THEM4: variants seen among roughly 807,000 people sequenced by gnomAD.
The protein encoded by THEM4 is thioesterase superfamily member 4, also known as acyl-coenzyme A thioesterase THEM4.
A neutral mutation model predicts 25.0 loss-of-function variants in THEM4; 22 were observed. The observed-to-expected ratio is 0.88, with a 90% confidence interval of 0.63 to 1.26. The LOEUF is 1.26. THEM4 is among the 50% of genes most tolerant of loss of function. The pLI is 0.00. For synonymous variants in THEM4, 113 were observed against 105.6 expected, an observed-to-expected ratio of 1.07 and a Z score of -0.43; for missense variants, 286 against 300.3, an observed-to-expected ratio of 0.95 and a Z score of 0.35.
intron 1 of THEM4, among the ~76,000 whole-genome samples, chr1:151,902,793 G>A (rs1260969304): frequency 6.6e-6 from 1 of 152,176 alleles, no homozygotes; most frequent in Non-Finnish European, 1.5e-5. Flanking sequence ...TTTGAGACCA[G>A]CCTGGCCAAC....
chr1:151,903,545 A>G (rs1398193873), intron 1 of THEM4, among the ~76,000 whole-genome samples: 3 of 152,236 alleles, frequency 2.0e-5, no homozygotes, highest in Non-Finnish European at 4.4e-5. Context: ...AACATTATGA[A>G]TATAGCTTTT....
chr1:151,897,591 A>G (rs1654252538), intron 1 of THEM4, among the ~76,000 whole-genome samples: 1 of 152,220 alleles, frequency 6.6e-6, no homozygotes, highest in Non-Finnish European at 1.5e-5. Flanking sequence ...TGGATTGGGC[A>G]GAGTGATTCC....
At chr1:151,894,742 G>A in intron 2 of THEM4, 1 of 591,670 alleles carries the variant, frequency 1.7e-6, no homozygotes, top group South Asian at 2.2e-5. Flanking sequence ...GTTGTAGGAG[G>A]GTGGAAGCTC....
chr1:151,907,098 G>T (rs1654487291), intron 1 of THEM4, among the ~76,000 whole-genome samples: 1 of 152,082 alleles, frequency 6.6e-6, no homozygotes, highest in African/African-American at 2.4e-5. Flanking sequence ...GCGAAGGTCT[G>T]CAGCTTCACT....
intron 1 of THEM4, among the ~76,000 whole-genome samples, chr1:151,897,472 G>A (rs752151007): frequency 6.6e-6 from 1 of 152,176 alleles, no homozygotes; most frequent in South Asian, 2.1e-4. Context: ...CGGACTCCAG[G>A]TTCTTCAGTT....
intron 2 of THEM4, chr1:151,890,207 T>C (rs1654066487): frequency 2.2e-6 from 1 of 457,486 alleles, no homozygotes; most frequent in South Asian, 1.5e-5. Context: ...GCCCGGCCAT[T>C]AACCAGGCTT....
rs1482343721 is a variant in THEM4, at chr1:151,871,914, G to A, written c.*2974C>T. On this transcript the variant is annotated 3_prime_UTR_variant, in exon 6 of 6. Transcript: ENST00000368814. ...ACTAGTTAAGTGAAACTAGCTAAAT[G>A]AGCAGCGCTGGCTTATTCCTTCGGA... 1.3e-5 allele frequency among the ~76,000 whole-genome samples: 2 copies of A among 152,202 alleles called. No homozygotes were observed. Among genetic ancestry groups the A allele is most frequent in the African/African-American group, 4.8e-5 (2 of 41,446 alleles).
At chr1:151,875,345 T>C (rs749537413) in intron 5 of THEM4, among the ~76,000 whole-genome samples, 8 of 151,858 alleles carry the variant, frequency 5.3e-5, no homozygotes, top group Non-Finnish European at 1.0e-4. Context: ...TTCCTGCAAA[T>C]GCTTCATACT....
At chr1:151,894,938 A>G in intron 2 of THEM4, 70 bp downstream of exon 2, 1 of 1,474,228 alleles carries the variant, frequency 6.8e-7, no homozygotes, top group South Asian at 1.1e-5. Context: ...GGTAGTAACT[A>G]GTACTTCAAT....
chr1:151,877,227 C>T, intron 4 of THEM4, 102 bp from the exon 5 acceptor site: 3 of 1,259,192 alleles, frequency 2.4e-6, no homozygotes, highest in East Asian at 2.4e-5. Context: ...TTTATGACAC[C>T]TGACAACAAT....
chr1:151,903,392 C>T (rs753208115), intron 1 of THEM4, among the ~76,000 whole-genome samples: 1 of 152,164 alleles, frequency 6.6e-6, no homozygotes, highest in African/African-American at 2.4e-5. Flanking sequence ...ATTTAGTGTT[C>T]ACTTTCTCCG....
chr1:151,894,412 C>T (rs757179958), intron 2 of THEM4, among the ~76,000 whole-genome samples: 2 of 151,996 alleles, frequency 1.3e-5, no homozygotes, highest in East Asian at 3.8e-4. Context: ...GTAACAAATA[C>T]ACCACAGTAA....
At chr1:151,878,503 G>A (rs1653736833) in intron 4 of THEM4, among the ~76,000 whole-genome samples, 1 of 152,234 alleles carries the variant, frequency 6.6e-6, no homozygotes, top group African/African-American at 2.4e-5. Context: ...AAATGTGGCT[G>A]AGATTCCTAA....
intron 1 of THEM4, among the ~76,000 whole-genome samples, chr1:151,905,959 G>C (rs991002582): frequency 5.9e-5 from 9 of 152,368 alleles, no homozygotes; most frequent in African/African-American, 2.2e-4. Flanking sequence ...CATAGTGAGA[G>C]GTGACAGTGT....
Position 151,872,346 on chromosome 1 carries a change from C to T in THEM4, c.*2542G>A, listed in dbSNP as rs572617254. On this transcript the variant is annotated 3_prime_UTR_variant, in exon 6 of 6. Coordinates refer to ENST00000368814, the MANE Select transcript of THEM4 (RefSeq NM_053055.5). The stretch of plus-strand genomic sequence containing the variant: ...CTGTCCCTAAGTTATTAGGTTGAAC[C>T]ATAGGAAATTGTCAATATTTGACCA... Among the ~76,000 whole-genome samples, 10 of 152,284 alleles carry T rather than the reference C, an allele frequency of 6.6e-5. 1 individual carries two copies. Among genetic ancestry groups the T allele is most frequent in the Admixed American group, 5.9e-4 (9 of 15,300 alleles).
intron 1 of THEM4, among the ~76,000 whole-genome samples, chr1:151,896,204 G>T (rs1251335742): frequency 2.0e-5 from 3 of 151,930 alleles, no homozygotes; most frequent in Non-Finnish European, 4.4e-5. Flanking sequence ...ATGTTGGACA[G>T]GCTGGTCTCG....
rs1384371731 is a variant in THEM4 at position 151,900,457 on chromosome 1, C to T, written c.100-5263G>A. 2.0e-5 allele frequency among the ~76,000 whole-genome samples: 3 copies of T among 152,044 alleles called. No homozygotes were observed. In the South Asian group the frequency reaches 6.2e-4, roughly 31 times the overall value. On this transcript the variant is annotated intron_variant, in intron 1 of 5. Transcript: ENST00000368814. ...AAGAGACTCACCTAGCACATAAGGA[C>T]TCAAATAAACTTAAAGGGTGGAAAA...
At chr1:151,906,163 G>T (rs1473637033) in intron 1 of THEM4, among the ~76,000 whole-genome samples, 1 of 152,260 alleles carries the variant, frequency 6.6e-6, no homozygotes, top group Admixed American at 6.5e-5. Flanking sequence ...AACCAGGGCT[G>T]CGCGGGGTGC....
chr1:151,909,418 G>T lies in THEM4; in HGVS notation c.41C>A (p.Ala14Asp), dbSNP rs755162848. The change falls in exon 1 of 6, where the codon GCT becomes GAT. Residue 14 changes from alanine (A) to aspartate (D), a missense_variant. Transcript: ENST00000368814. ...CCGGCCTACTGGCGGCAGGCACAGA[G>T]CCCCCAGCGTGCGGAGGCGCGCGGC... Reference protein sequence around the residue: ...SCAARLRTLGALCLPPVGRRL... With the variant: ...SCAARLRTLGDLCLPPVGRRL... The T allele has an allele frequency of 6.7e-7, 1 of 1,486,038 alleles. No individual in the cohort carries two copies. Among genetic ancestry groups the T allele is most frequent in the Non-Finnish European group, 8.9e-7 (1 of 1,125,718 alleles). The allele number at this position is 1,486,038 out of a possible 1,614,324, so 92.1% of individuals were successfully genotyped here.
Sources: allele counts gnomAD v4.1 joint callset (sites outside exome capture counted in the v4.1 genomes callset), GRCh38; gene constraint gnomAD v4.1.1; transcripts MANE v1.5; gene names NCBI Gene and HGNC (gene_info 2026-07-23, HGNC 2026-07-21).